Variants in XKR6 observed in about 807,000 individuals in gnomAD.
XKR6 encodes XK-related protein 6.
XKR6 carries 22 observed loss-of-function variants against 56.7 expected under a neutral mutation model. The observed-to-expected ratio is 0.39, with a 90% CI of 0.28 to 0.55. The LOEUF is 0.55. Ranked by LOEUF, XKR6 falls within the 20% of genes least tolerant of loss-of-function variation. The pLI, the probability that XKR6 is intolerant of heterozygous loss-of-function variation, is 0.66. For synonymous variants in XKR6, 524 were observed against 387.8 expected, an observed-to-expected ratio of 1.35 and a Z score of -4.13; for missense variants, 852 against 889.0, an observed-to-expected ratio of 0.96 and a Z score of 0.53.
chr8:10,970,161 G>T (rs1802362811), intron 1 of XKR6, among the ~76,000 whole-genome samples: 1 of 152,202 alleles, frequency 6.6e-6, no homozygotes, highest in African/African-American at 2.4e-5. Context: ...ATAACTCAGT[G>T]CATCACCACA....
chr8:10,965,480 T>G (rs769020903), intron 1 of XKR6, among the ~76,000 whole-genome samples: 4 of 152,120 alleles, frequency 2.6e-5, no homozygotes, highest in Non-Finnish European at 5.9e-5. Flanking sequence ...GCAGAGAACA[T>G]TTTGCTGCAT....
At chr8:10,938,696 A>G (rs1208532392) in intron 1 of XKR6, among the ~76,000 whole-genome samples, 1 of 152,162 alleles carries the variant, frequency 6.6e-6, no homozygotes, top group Non-Finnish European at 1.5e-5. Flanking sequence ...AAATTAAGGC[A>G]TGATTTGCTT....
At chr8:11,034,193 G>A (rs111557394) in intron 1 of XKR6, among the ~76,000 whole-genome samples, 2 of 152,222 alleles carry the variant, frequency 1.3e-5, no homozygotes, top group African/African-American at 2.4e-5. Context: ...GGGGAAGAGA[G>A]AGAAGCTGAG....
At chr8:10,982,839 C>G (rs914924744) in intron 1 of XKR6, among the ~76,000 whole-genome samples, 1 of 152,116 alleles carries the variant, frequency 6.6e-6, no homozygotes, top group African/African-American at 2.4e-5. Context: ...GAGAGCGCAG[C>G]CCCAGGGAGG....
At chr8:11,151,771 T>C (rs1191334109) in intron 1 of XKR6, among the ~76,000 whole-genome samples, 2 of 151,920 alleles carry the variant, frequency 1.3e-5, no homozygotes, top group Non-Finnish European at 2.9e-5. Flanking sequence ...ATCCCCCCGC[T>C]CCGCCTTTTA....
intron 1 of XKR6, among the ~76,000 whole-genome samples, chr8:11,156,136 A>G (rs1387012093): frequency 1.3e-5 from 2 of 152,082 alleles, no homozygotes; most frequent in African/African-American, 4.8e-5. Flanking sequence ...CTGCCTCTCT[A>G]ATTTTACATC....
chr8:11,007,335 G>T (rs536996093), intron 1 of XKR6, among the ~76,000 whole-genome samples: 2 of 152,284 alleles, frequency 1.3e-5, no homozygotes, highest in African/African-American at 4.8e-5. Context: ...GTTCCTTGCA[G>T]CCAAGTGCAT....
intron 1 of XKR6, among the ~76,000 whole-genome samples, chr8:11,103,008 C>G (rs79242232): frequency 0.011 from 1,730 of 152,248 alleles, 19 homozygotes; most frequent in Non-Finnish European, 0.018. Flanking sequence ...GTCTTTTACT[C>G]CACTCAGACC....
chr8:11,033,421 ATGATGATGG>A (rs1799053989), intron 1 of XKR6, among the ~76,000 whole-genome samples: 7 of 120,622 alleles, frequency 5.8e-5, no homozygotes, highest in African/African-American at 2.6e-4. Context: ...GATGATGATG[ATGATGATGG>A]TGATGATGAT....
chr8:10,939,358 ACT>A (rs956892394), intron 1 of XKR6, among the ~76,000 whole-genome samples: 1 of 152,066 alleles, frequency 6.6e-6, no homozygotes, highest in Non-Finnish European at 1.5e-5. Flanking sequence ...TGAGAGGAAC[ACT>A]CTACTGATGA....
intron 1 of XKR6, among the ~76,000 whole-genome samples, chr8:11,067,674 GC>G (rs1173743376): frequency 1.3e-5 from 2 of 152,362 alleles, no homozygotes; most frequent in Admixed American, 6.5e-5. Context: ...GTTGGTGTGT[GC>G]CCACACACAG....
At position 10,898,801 on chromosome 8, in the gene XKR6, G is replaced by T. The variant is rs1322706599; in HGVS notation, c.1077C>A (p.Ile359=). 1 of 1,614,166 alleles carries T rather than the reference G, an allele frequency of 6.2e-7. No homozygotes were observed. Among genetic ancestry groups the T allele is most frequent in the Middle Eastern group, 1.6e-4 (1 of 6,062 alleles). ...TGGTGAAGAGGCGCCAGAAGACCTG[G>T]ATGATGGCCCCTCTGTAGCTCATGC... is the stretch of plus-strand genomic sequence containing the variant. The part of the protein sequence containing the change: ...KKSMSYRGAI[I]QVFWRLFTIS... The change falls in exon 3 of 3, where the codon ATC becomes ATA. Residue 359 remains isoleucine (I), a synonymous_variant. Coordinates refer to ENST00000416569, the MANE Select transcript of XKR6 (RefSeq NM_173683.4). The surrounding 1 kb of genome is among the most constrained non-coding windows in gnomAD (Gnocchi z 6.6).
intron 1 of XKR6, among the ~76,000 whole-genome samples, chr8:11,014,933 G>C (rs1173851150): frequency 6.6e-6 from 1 of 152,202 alleles, no homozygotes. Context: ...TTCATCAGAA[G>C]GTTATCCAAA....
chr8:10,969,231 A>C (rs1229599854), intron 1 of XKR6, among the ~76,000 whole-genome samples: 1 of 152,114 alleles, frequency 6.6e-6, no homozygotes, highest in African/African-American at 2.4e-5. Flanking sequence ...AGAAACTCCA[A>C]CTTAGATGCA....
At chr8:10,983,256 A>G (rs1442967188) in intron 1 of XKR6, among the ~76,000 whole-genome samples, 1 of 152,134 alleles carries the variant, frequency 6.6e-6, no homozygotes, top group Non-Finnish European at 1.5e-5. Context: ...TTGGGAAAAA[A>G]TAAAATAAAT....
chr8:11,118,739 C>T (rs574884629), intron 1 of XKR6, among the ~76,000 whole-genome samples: 3 of 152,158 alleles, frequency 2.0e-5, no homozygotes, highest in South Asian at 2.1e-4. Context: ...ATCAATTTGG[C>T]TGATCTTTTC....
At chr8:11,055,295 A>ATT (rs1799654009) in intron 1 of XKR6, among the ~76,000 whole-genome samples, 1 of 152,106 alleles carries the variant, frequency 6.6e-6, no homozygotes, top group Non-Finnish European at 1.5e-5. Context: ...AGGCCAAGGC[A>ATT]ATAAGATCCC....
chr8:10,904,588 C>A (rs1431883620), intron 2 of XKR6, among the ~76,000 whole-genome samples: 1 of 152,086 alleles, frequency 6.6e-6, no homozygotes, highest in African/African-American at 2.4e-5. Context: ...GCAGGTGAGG[C>A]AGGAGAGCAA....
At chr8:11,182,921 T>C (rs1803072358) in intron 1 of XKR6, among the ~76,000 whole-genome samples, 1 of 152,208 alleles carries the variant, frequency 6.6e-6, no homozygotes, top group South Asian at 2.1e-4. Context: ...TATGTCTCTA[T>C]GAACTTGACT....
Sources: allele counts gnomAD v4.1 joint callset (sites outside exome capture counted in the v4.1 genomes callset), GRCh38; gene constraint gnomAD v4.1.1; non-coding constraint Gnocchi (gnomAD v3.1); transcripts MANE v1.5; gene names NCBI Gene and HGNC (gene_info 2026-07-23, HGNC 2026-07-21).